The following PTPRQ variants were observed in gnomAD, a reference collection of about 807,000 sequenced individuals.
The protein encoded by PTPRQ is phosphatidylinositol phosphatase PTPRQ.
In PTPRQ, 199 loss-of-function variants were observed where a neutral mutation model predicts 246.0. That is an observed-to-expected ratio of 0.81 (90% CI 0.72 to 0.91). The LOEUF (loss-of-function observed/expected upper bound fraction) is 0.91. PTPRQ is among the 40% of genes least tolerant of loss of function. The pLI is 0.00. For missense variants in PTPRQ, 2,624 were observed against 2,528.4 expected (o/e 1.04, Z -0.81); for synonymous variants, 869 against 853.2 (o/e 1.02, Z -0.32).
At chr12:80,513,247 A>C (rs2120724979) in intron 17 of PTPRQ, among the ~76,000 whole-genome samples, 1 of 152,182 alleles carries the variant, frequency 6.6e-6, no homozygotes, top group African/African-American at 2.4e-5. Flanking sequence ...AACTCTCAGC[A>C]GAGGGGGGAG....
chr12:80,564,051 A>G (rs918310048), intron 25 of PTPRQ, among the ~76,000 whole-genome samples: 13 of 151,332 alleles, frequency 8.6e-5, no homozygotes, highest in African/African-American at 3.2e-4. Context: ...TGTGCTTTTT[A>G]AATTTTTAGC....
intron 25 of PTPRQ, among the ~76,000 whole-genome samples, chr12:80,571,323 A>G (rs902418035): frequency 3.0e-4 from 45 of 152,334 alleles, no homozygotes; most frequent in African/African-American, 1.0e-3. Flanking sequence ...TATTTTTAGT[A>G]GAGACAGGGT....
At chr12:80,664,368 T>C in intron 39 of PTPRQ, among the ~76,000 whole-genome samples, 1 of 152,014 alleles carries the variant, frequency 6.6e-6, no homozygotes, top group East Asian at 1.9e-4. Context: ...TGTCTGCATC[T>C]GTGTCCATAT....
chr12:80,525,420 G>T (rs553465995), intron 17 of PTPRQ, among the ~76,000 whole-genome samples: 7 of 152,248 alleles, frequency 4.6e-5, no homozygotes, highest in African/African-American at 7.2e-5. Context: ...GATGGCCTTT[G>T]TGTCTTGTGT....
chr12:80,652,720 CT>C, intron 37 of PTPRQ, 23 bp from the exon 38 acceptor site: 2 of 1,483,290 alleles, frequency 1.3e-6, no homozygotes, highest in Non-Finnish European at 8.9e-7. Context: ...TAAATGTAAA[CT>C]TTGTAATGAC....
At chr12:80,452,691 G>T (rs545275234) in intron 3 of PTPRQ, among the ~76,000 whole-genome samples, 188 of 152,220 alleles carry the variant, frequency 1.2e-3, no homozygotes, top group Non-Finnish European at 2.3e-3. Flanking sequence ...TTGAATATTG[G>T]CCCCCACTCT....
intron 8 of PTPRQ, among the ~76,000 whole-genome samples, chr12:80,477,157 T>G (rs1478501269): frequency 2.0e-5 from 3 of 152,182 alleles, no homozygotes; most frequent in African/African-American, 7.2e-5. Context: ...CTATTTTTAT[T>G]TACTATTGCA....
intron 21 of PTPRQ, 57 bp downstream of exon 21, chr12:80,541,902 T>G (rs1565775157): frequency 2.7e-6 from 4 of 1,476,072 alleles, no homozygotes; most frequent in Non-Finnish European, 3.6e-6. Context: ...TCATTTACAT[T>G]GCTTTCTGAT....
chr12:80,644,691 T>C (rs1900006866), intron 35 of PTPRQ, among the ~76,000 whole-genome samples: 1 of 152,118 alleles, frequency 6.6e-6, no homozygotes, highest in African/African-American at 2.4e-5. Flanking sequence ...ATTTTCCTTA[T>C]AGTATGTCCC....
chr12:80,492,513 AT>A (rs2120642112), intron 9 of PTPRQ, among the ~76,000 whole-genome samples: 1 of 151,998 alleles, frequency 6.6e-6, no homozygotes, highest in South Asian at 2.1e-4. Context: ...CCTTTTCCCC[AT>A]TTTGTTTCAA....
chr12:80,575,302 T>C (rs531290944), intron 25 of PTPRQ, among the ~76,000 whole-genome samples: 39 of 152,292 alleles, frequency 2.6e-4, no homozygotes, highest in African/African-American at 9.1e-4. Flanking sequence ...AAAAATCTTT[T>C]GATCCAAGTG....
intron 25 of PTPRQ, among the ~76,000 whole-genome samples, chr12:80,560,072 T>A (rs995266650): frequency 6.6e-6 from 1 of 152,180 alleles, no homozygotes; most frequent in African/African-American, 2.4e-5. Flanking sequence ...CAGGTTTGAT[T>A]TTTAGTGACA....
chr12:80,643,249 C>T (rs921588995), intron 35 of PTPRQ, among the ~76,000 whole-genome samples: 7 of 152,078 alleles, frequency 4.6e-5, no homozygotes, highest in African/African-American at 1.4e-4. Context: ...ACCAGCCTGG[C>T]CAACATGGCA....
At chr12:80,550,898 T>C (rs1015669439) in intron 25 of PTPRQ, among the ~76,000 whole-genome samples, 4 of 152,114 alleles carry the variant, frequency 2.6e-5, no homozygotes. Flanking sequence ...ATATTTATTG[T>C]TATTTTACTA....
intron 25 of PTPRQ, among the ~76,000 whole-genome samples, chr12:80,574,319 C>G (rs1897228331): frequency 6.6e-6 from 1 of 152,128 alleles, no homozygotes. Flanking sequence ...AAGTACGTCT[C>G]TTGTGAACAA....
chr12:80,612,784 T>G (rs2121107368), intron 28 of PTPRQ, among the ~76,000 whole-genome samples: 1 of 150,530 alleles, frequency 6.6e-6, no homozygotes, highest in Admixed American at 6.7e-5. Context: ...ACAACCCAAA[T>G]GTTTTTCCAT....
At chr12:80,641,864 ACTCTCT>A (rs759676451) in intron 35 of PTPRQ, among the ~76,000 whole-genome samples, 10 of 109,076 alleles carry the variant, frequency 9.2e-5, no homozygotes, top group African/African-American at 6.7e-5. Context: ...TCTCTCTCTC[ACTCTCT>A]CTCTCTCTCT....
At chr12:80,496,873 T>C (rs1453547346) in intron 14 of PTPRQ, among the ~76,000 whole-genome samples, 1 of 152,020 alleles carries the variant, frequency 6.6e-6, no homozygotes, top group Non-Finnish European at 1.5e-5. Flanking sequence ...CTCATAGGAA[T>C]AGATTCTGAG....
chr12:80,676,102 T>C (rs867119831), intron 43 of PTPRQ, among the ~76,000 whole-genome samples: 3 of 152,160 alleles, frequency 2.0e-5, no homozygotes, highest in Non-Finnish European at 4.4e-5. Flanking sequence ...TACTGTTTTT[T>C]CCCTGTGATG....
Sources: gnomAD v4.1 joint callset for allele counts (sites outside exome capture counted in the v4.1 genomes callset) on GRCh38, gnomAD v4.1.1 for gene constraint, MANE v1.5 for transcripts, NCBI Gene and HGNC (gene_info 2026-07-23, HGNC 2026-07-21) for gene names.